TTC12: variants seen among roughly 807,000 people sequenced by gnomAD.
TTC12 encodes the protein tetratricopeptide repeat protein 12.
A neutral mutation model predicts 90.1 loss-of-function variants in TTC12; 70 were observed. The observed-to-expected ratio is 0.78, with a 90% CI of 0.64 to 0.95. The LOEUF (loss-of-function observed/expected upper bound fraction) is 0.95. Among genes scored for constraint, TTC12 ranks in the 40% least tolerant of loss-of-function variants. The pLI, the probability that TTC12 is intolerant of heterozygous loss-of-function variation, is 0.00. For synonymous variants in TTC12, 296 were observed against 311.5 expected (o/e 0.95, Z 0.53); for missense variants, 819 against 846.1 (o/e 0.97, Z 0.40).
At chr11:113,352,341 A>G in intron 16 of TTC12, 134 bp downstream of exon 16, 1 of 1,113,262 alleles carries the variant, frequency 9.0e-7, no homozygotes, top group Non-Finnish European at 1.3e-6. Context: ...TCCCTTCTGT[A>G]ACCACGGATT....
intron 7 of TTC12, among the ~76,000 whole-genome samples, chr11:113,334,716 G>A (rs1948261141): frequency 6.6e-6 from 1 of 151,746 alleles, no homozygotes; most frequent in African/African-American, 2.4e-5. Context: ...CTTCCTGATT[G>A]CATCTCATTA....
At chr11:113,324,532 C>G (rs1411646098) in intron 4 of TTC12, 73 bp from the exon 5 acceptor site, 23 of 1,310,962 alleles carry the variant, frequency 1.8e-5, no homozygotes, top group Non-Finnish European at 2.5e-5. Flanking sequence ...AGTAACACTT[C>G]GAATTTGAGC....
chr11:113,353,447 G>A (rs1467997220), intron 16 of TTC12, among the ~76,000 whole-genome samples: 1 of 152,090 alleles, frequency 6.6e-6, no homozygotes, highest in Admixed American at 6.5e-5. Context: ...AATTTCCTTT[G>A]CTGTGCAGAA....
intron 4 of TTC12, chr11:113,324,274 C>T (rs772335892): frequency 1.9e-5 from 10 of 532,628 alleles, no homozygotes; most frequent in Admixed American, 7.3e-5. Flanking sequence ...TCAAGGGATC[C>T]AGATAGTTTC....
chr11:113,318,582 G>A (rs1284539215), intron 2 of TTC12, among the ~76,000 whole-genome samples: 2 of 151,680 alleles, frequency 1.3e-5, no homozygotes, highest in Admixed American at 6.6e-5. Flanking sequence ...GTCATACCAG[G>A]AGTTATAGCT....
intron 16 of TTC12, among the ~76,000 whole-genome samples, chr11:113,354,892 A>T (rs1555151876): frequency 6.6e-6 from 1 of 152,130 alleles, no homozygotes; most frequent in African/African-American, 2.4e-5. Flanking sequence ...CATGAATCTT[A>T]ATCAAGGATA....
At chr11:113,345,598 G>A (rs1370900954) in intron 13 of TTC12, among the ~76,000 whole-genome samples, 1 of 152,136 alleles carries the variant, frequency 6.6e-6, no homozygotes, top group Non-Finnish European at 1.5e-5. Flanking sequence ...CCTTGCCTAC[G>A]GCTCCCCTTC....
At chr11:113,351,627 C>T (rs1284635825) in intron 15 of TTC12, among the ~76,000 whole-genome samples, 1 of 152,188 alleles carries the variant, frequency 6.6e-6, no homozygotes, top group Non-Finnish European at 1.5e-5. Flanking sequence ...TGGAAGTCAT[C>T]CTGTCAGGAA....
intron 6 of TTC12, among the ~76,000 whole-genome samples, chr11:113,327,253 T>C (rs1029503334): frequency 6.6e-6 from 1 of 152,222 alleles, no homozygotes; most frequent in Non-Finnish European, 1.5e-5. Flanking sequence ...GGAAATGTAA[T>C]GAAAAGGTTT....
intron 2 of TTC12, among the ~76,000 whole-genome samples, chr11:113,323,076 T>C (rs1947441759): frequency 1.4e-5 from 2 of 144,610 alleles, no homozygotes; most frequent in Admixed American, 7.1e-5. Context: ...AGCTAATAGC[T>C]ATACTCACCT....
chr11:113,352,313 A>G (rs952660016), intron 16 of TTC12, 106 bp downstream of exon 16: 14 of 1,462,852 alleles, frequency 9.6e-6, no homozygotes, highest in Non-Finnish European at 1.3e-5. Flanking sequence ...TGGGTGTTGG[A>G]TGGCGCCAGT....
intron 18 of TTC12, 83 bp downstream of exon 18, chr11:113,360,091 A>C: frequency 2.0e-6 from 1 of 498,804 alleles, no homozygotes; most frequent in Middle Eastern, 6.7e-4. Context: ...TATCAGTGTA[A>C]TCTTTTTGAA....
chr11:113,349,203 TC>T lies in TTC12; in HGVS notation c.1155-868del, dbSNP rs200182307. 3.5e-4 allele frequency among the ~76,000 whole-genome samples: 54 copies of T among 152,328 alleles called. No individual in the cohort carries two copies. In the East Asian group the frequency reaches 0.01, roughly 29 times the overall value. ...GTCATCTATTGAAGGCTTCTTCACTTCCATGCCCACACCTTCCACCAGTGAG... is the reference window on the plus strand; with the variant it reads ...GTCATCTATTGAAGGCTTCTTCACTTCATGCCCACACCTTCCACCAGTGAG... On this transcript the variant is annotated intron_variant, in intron 13 of 21. Coordinates refer to ENST00000529221, the MANE Select transcript of TTC12 (RefSeq NM_017868.4).
At chr11:113,328,364 T>C (rs1450034115) in intron 6 of TTC12, among the ~76,000 whole-genome samples, 2 of 152,208 alleles carry the variant, frequency 1.3e-5, no homozygotes, top group Admixed American at 1.3e-4. Flanking sequence ...TTTGTTTATA[T>C]TCCTCTAGTC....
rs202144089 is a variant in TTC12 at position 113,352,180 on chromosome 11, A to G, written c.1419A>G (p.Glu473=). The part of the protein sequence containing the change: ...TTRRHMAACE[E]FGDGCLSLLA... ...GAAGACACATGGCGGCCTGTGAGGA[A>G]TTTGGGGATGGCTGCTTGAGCCTCC... Residue 473 remains glutamate, a synonymous_variant, in exon 16 of 22, where the codon GAA becomes GAG. Coordinates refer to ENST00000529221, the MANE Select transcript of TTC12 (RefSeq NM_017868.4). 2 of 1,614,132 alleles carry G rather than the reference A, an allele frequency of 1.2e-6. No homozygotes were observed. The highest frequency in any genetic ancestry group is 8.5e-7 in the Non-Finnish European group (1 of 1,179,980).
chr11:113,366,438 G>C (rs187944872), downstream of TTC12: 1 of 1,478,340 alleles, frequency 6.8e-7, no homozygotes, highest in African/African-American at 1.4e-5. Context: ...AGGTTTTCAC[G>C]GGTAACAAGA....
chr11:113,341,432 T>C (rs539368688), intron 11 of TTC12, among the ~76,000 whole-genome samples: 9 of 152,372 alleles, frequency 5.9e-5, no homozygotes, highest in Admixed American at 6.5e-5. Flanking sequence ...ATTTATAATT[T>C]CATCTGAAGA....
chr11:113,340,625 T>A, intron 10 of TTC12, 39 bp from the exon 11 acceptor site: 2 of 1,554,736 alleles, frequency 1.3e-6, no homozygotes, highest in Non-Finnish European at 1.8e-6. Flanking sequence ...AGCCAGCCAG[T>A]TTGGGAGTCT....
rs781866119 is a variant in TTC12 at position 113,338,760 on chromosome 11, T to A, written c.577-14T>A. 9.9e-6 allele frequency: 16 copies of A among 1,611,248 alleles called. No homozygotes were observed. Among genetic ancestry groups the A allele is most frequent in the African/African-American group, 1.3e-5 (1 of 74,850 alleles). On this transcript the variant is annotated splice_polypyrimidine_tract_variant and intron_variant, in intron 8 of 21. Coordinates refer to ENST00000529221, the MANE Select transcript of TTC12 (RefSeq NM_017868.4). ...ACCCCAACCACTCTTCAAGGTCTTG[T>A]TTCTTTTTTCCAGTCTAGAGAGTGT...
Sources: allele counts gnomAD v4.1 joint callset (sites outside exome capture counted in the v4.1 genomes callset), GRCh38; gene constraint gnomAD v4.1.1; transcripts MANE v1.5; gene names NCBI Gene and HGNC (gene_info 2026-07-23, HGNC 2026-07-21).